Variants in PDE4DIP observed in about 807,000 individuals in gnomAD.
PDE4DIP encodes myomegalin.
In PDE4DIP, 59 loss-of-function variants were observed where a neutral mutation model predicts 221.4. That is an observed-to-expected ratio of 0.27 (90% CI 0.22 to 0.33). The LOEUF is 0.33. Among genes scored for constraint, PDE4DIP ranks in the 10% least tolerant of loss-of-function variants. The probability of loss-of-function intolerance (pLI) is 1.00; values close to 1 mark genes in which losing one functional copy is unlikely to be tolerated. For missense variants in PDE4DIP, 1,036 were observed against 2,154.2 expected (o/e 0.48, Z 10.28); for synonymous variants, 404 against 815.9 (o/e 0.50, Z 8.60).
chr1:148,956,005 C>T (rs1574248794), intron 5 of PDE4DIP, among the ~76,000 whole-genome samples: 1 of 151,998 alleles, frequency 6.6e-6, no homozygotes, highest in Admixed American at 6.6e-5. Context: ...ATAAAATGGG[C>T]GGTGTATCTA....
chr1:148,934,998 C>A (rs1201375455), intron 4 of PDE4DIP, among the ~76,000 whole-genome samples: 1 of 151,842 alleles, frequency 6.6e-6, no homozygotes, highest in Admixed American at 6.6e-5. Flanking sequence ...CCGAGGCGGG[C>A]GGATCACGAG....
intron 38 of PDE4DIP, chr1:149,025,962 T>C (rs1439473568): frequency 6.6e-6 from 1 of 151,980 alleles, no homozygotes; most frequent in Non-Finnish European, 1.5e-5. Context: ...GCCCTGATGG[T>C]TGTGGTGTTC....
intron 23 of PDE4DIP, among the ~76,000 whole-genome samples, chr1:149,001,309 G>C (rs2065603339): frequency 6.8e-6 from 1 of 146,024 alleles, no homozygotes; most frequent in Non-Finnish European, 1.5e-5. Flanking sequence ...AACATATGAG[G>C]CTATGGGGCA....
intron 27 of PDE4DIP, chr1:149,006,491 G>A (rs2067082313): frequency 6.6e-6 from 1 of 152,152 alleles, no homozygotes; most frequent in Admixed American, 6.5e-5. Context: ...AGAAATTCAG[G>A]CATCAGGTGG....
intron 5 of PDE4DIP, 102 bp downstream of exon 8, chr1:148,937,966 T>C: frequency 1.7e-6 from 1 of 575,252 alleles, no homozygotes; most frequent in Non-Finnish European, 3.1e-6. Context: ...GTGTAACAGA[T>C]TACTACAAAC....
At chr1:148,922,973 T>C (rs1405226932) in intron 1 of PDE4DIP, among the ~76,000 whole-genome samples, 2 of 141,216 alleles carry the variant, frequency 1.4e-5, no homozygotes, top group Non-Finnish European at 3.0e-5. Flanking sequence ...AGTTTCGCTC[T>C]GTCACCCCGG....
intron 5 of PDE4DIP, chr1:148,953,582 C>T (rs147110105): frequency 1.2e-6 from 2 of 1,611,612 alleles, no homozygotes; most frequent in Non-Finnish European, 1.7e-6. Context: ...TGCAAAGGAA[C>T]TTGGAAAGTG....
intron 20 of PDE4DIP, among the ~76,000 whole-genome samples, chr1:148,980,401 G>T (rs1438642589): frequency 6.6e-6 from 1 of 151,988 alleles, no homozygotes; most frequent in Non-Finnish European, 1.5e-5. Context: ...CAAAAAAAAA[G>T]AAAAAGAGTA....
rs1197162262 is a variant in PDE4DIP, at chr1:148,954,194, AAAG to A, written c.637-6455_637-6453del. Among the ~76,000 whole-genome samples the A allele has an allele frequency of 7.2e-5, 11 of 152,208 alleles. No homozygotes were observed. The East Asian group carries it at 7.7e-4, about 11-fold the overall frequency. ...TTCCTACTTCACTTTTTTCCTATAA[AAAG>A]AAGACATTTAATCTCATTTCTGGCA... On this transcript the variant is annotated intron_variant, in intron 5 of 43. Coordinates refer to ENST00000369354, the Ensembl canonical transcript of PDE4DIP.
intron 21 of PDE4DIP, among the ~76,000 whole-genome samples, chr1:148,991,196 T>C (rs1458831289): frequency 6.7e-6 from 1 of 149,918 alleles, no homozygotes; most frequent in East Asian, 2.0e-4. Context: ...GCTGTGTCCA[T>C]CTCTGGAGAA....
chr1:148,975,913 TTTATC>T (rs2060086337), intron 17 of PDE4DIP, among the ~76,000 whole-genome samples: 1 of 152,090 alleles, frequency 6.6e-6, no homozygotes. Context: ...ATTATCATAT[TTTATC>T]TTTTGATTTC....
intron 16 of PDE4DIP, among the ~76,000 whole-genome samples, chr1:148,973,561 C>T (rs1289828512): frequency 6.6e-6 from 1 of 150,882 alleles, no homozygotes; most frequent in Non-Finnish European, 1.5e-5. Context: ...TTCTTTTTTC[C>T]CTCATTTCAT....
intron 5 of PDE4DIP, among the ~76,000 whole-genome samples, chr1:148,959,660 T>C (rs2056378143): frequency 6.6e-6 from 1 of 151,956 alleles, no homozygotes; most frequent in Admixed American, 6.6e-5. Context: ...GTTTATCTTA[T>C]TGTCCCATAT....
chr1:149,016,378 C>T, exon 33 of PDE4DIP: 1 of 1,244,478 alleles, frequency 8.0e-7, no homozygotes, highest in South Asian at 1.2e-5. Flanking sequence ...ACTACCTCAA[C>T]TCTGCCCAGC....
intron 21 of PDE4DIP, among the ~76,000 whole-genome samples, chr1:148,987,826 G>A (rs1245364121): frequency 1.3e-5 from 2 of 152,050 alleles, no homozygotes; most frequent in Non-Finnish European, 2.9e-5. Flanking sequence ...ACAGTTACTT[G>A]GAGGCTGAGG....
At chr1:148,813,898 C>T (rs1314725535) in intron 1 of PDE4DIP, among the ~76,000 whole-genome samples, 22 of 51,270 alleles carry the variant, frequency 4.3e-4, no homozygotes, top group African/African-American at 1.9e-3. Context: ...CATATATAAT[C>T]GTCTGTATCT....
In PDE4DIP at chr1:149,010,879, G is replaced by A. The variant is rs2068405675; in HGVS notation, c.5080+284G>A. 6.1e-5 allele frequency among the ~76,000 whole-genome samples: 9 copies of A among 147,196 alleles called. No homozygotes were observed. The South Asian group carries it at 2.0e-3, about 33-fold the overall frequency. ...TTGGTTTTCTCTCATTTTATCCTGG[G>A]AGCAAAGAGGCAAAATGTTTCTCCC... On this transcript the variant is annotated intron_variant, in intron 31 of 43. Coordinates refer to ENST00000369354, the Ensembl canonical transcript of PDE4DIP.
chr1:148,979,737 TTGC>T (rs1553540529), exon 20 of PDE4DIP: 2 of 1,612,548 alleles, frequency 1.2e-6, no homozygotes, highest in South Asian at 1.1e-5. Context: ...CTTTACTCAG[TTGC>T]TGCTGATGCT....
intron 43 of PDE4DIP, 123 bp downstream of exon 46, chr1:149,030,401 A>C: frequency 6.6e-7 from 1 of 1,517,358 alleles, no homozygotes; most frequent in Non-Finnish European, 8.9e-7. Context: ...CTTGGGGTCC[A>C]CTTGCAAGAT....
Sources: allele counts gnomAD v4.1 joint callset (sites outside exome capture counted in the v4.1 genomes callset), GRCh38; gene constraint gnomAD v4.1.1; transcripts MANE v1.5; gene names NCBI Gene and HGNC (gene_info 2026-07-23, HGNC 2026-07-21).